The following PDE4D variants were observed in gnomAD, a reference collection of about 807,000 sequenced individuals.
PDE4D encodes 3',5'-cyclic-AMP phosphodiesterase 4D.
In PDE4D, 24 loss-of-function variants were observed where a neutral mutation model predicts 87.4. The observed-to-expected ratio is 0.27, with a 90% confidence interval of 0.20 to 0.39. The LOEUF (loss-of-function observed/expected upper bound fraction) is 0.39, where lower values mean the gene tolerates loss of function less well. Among genes scored for constraint, PDE4D ranks in the 10% least tolerant of loss-of-function variants. The pLI is 1.00. For missense variants in PDE4D, 714 were observed against 1,041.0 expected (o/e 0.69, Z 4.32); for synonymous variants, 384 against 383.2 (o/e 1.00, Z -0.02).
At chr5:60,119,730 A>G (rs914315942) in intron 2 of PDE4D, among the ~76,000 whole-genome samples, 1 of 152,222 alleles carries the variant, frequency 6.6e-6, no homozygotes, top group African/African-American at 2.4e-5. Context: ...TGGTACACAC[A>G]CTCATACTCA....
intron 2 of PDE4D, among the ~76,000 whole-genome samples, chr5:60,181,260 A>G (rs1784355595): frequency 6.6e-6 from 1 of 152,110 alleles, no homozygotes; most frequent in Non-Finnish European, 1.5e-5. Flanking sequence ...AAAAATATAT[A>G]TTTTCTTAAG....
intron 1 of PDE4D, among the ~76,000 whole-genome samples, chr5:59,688,559 T>C (rs112992190): frequency 0.085 from 12,977 of 152,032 alleles, 1,722 homozygotes; most frequent in African/African-American, 0.29. Flanking sequence ...CTCTGGGACA[T>C]ATTTAAAGCA....
intron 3 of PDE4D, chr5:59,988,288 T>G (rs1762646670): frequency 4.2e-6 from 2 of 481,356 alleles, no homozygotes; most frequent in Non-Finnish European, 3.7e-6. Context: ...AGCTCTTCCA[T>G]GTAAAACAAT....
At chr5:59,369,856 A>G (rs960617963) in intron 1 of PDE4D, among the ~76,000 whole-genome samples, 1 of 152,056 alleles carries the variant, frequency 6.6e-6, no homozygotes, top group African/African-American at 2.4e-5. Context: ...TTTTCCACAA[A>G]CAGGACTATC....
chr5:59,762,455 T>C (rs868612466), intron 1 of PDE4D, among the ~76,000 whole-genome samples: 11 of 124,236 alleles, frequency 8.9e-5, no homozygotes, highest in African/African-American at 2.6e-4. Flanking sequence ...TACACATATG[T>C]GTATATGTGT....
intron 1 of PDE4D, among the ~76,000 whole-genome samples, chr5:60,389,496 G>A (rs909147372): frequency 2.6e-5 from 4 of 151,968 alleles, no homozygotes; most frequent in Admixed American, 6.6e-5. Flanking sequence ...TGTTACAATC[G>A]TTCACATATA....
intron 1 of PDE4D, among the ~76,000 whole-genome samples, chr5:59,284,447 G>C (rs1036096967): frequency 2.6e-5 from 4 of 152,074 alleles, no homozygotes; most frequent in Non-Finnish European, 5.9e-5. Flanking sequence ...TTTTTTGGCT[G>C]CATAAATGTC....
intron 10 of PDE4D, 111 bp from the exon 11 acceptor site, chr5:58,988,703 A>G (rs1441466622): frequency 2.1e-6 from 1 of 476,632 alleles, no homozygotes; most frequent in African/African-American, 2.0e-5. Flanking sequence ...ATGAAGCTTC[A>G]AAATGTGTTA....
At chr5:59,853,796 C>T (rs147757006) in intron 1 of PDE4D, among the ~76,000 whole-genome samples, 121 of 152,038 alleles carry the variant, frequency 8.0e-4, no homozygotes, top group Middle Eastern at 3.4e-3. Context: ...TACACATTTG[C>T]AAAAATGACA....
At chr5:60,071,374 G>C (rs1432839138) in intron 2 of PDE4D, among the ~76,000 whole-genome samples, 1 of 151,916 alleles carries the variant, frequency 6.6e-6, no homozygotes, top group Non-Finnish European at 1.5e-5. Flanking sequence ...AAAGAATAAA[G>C]AATCAAAGAT....
chr5:60,320,511 C>T (rs537284660), intron 1 of PDE4D, among the ~76,000 whole-genome samples: 193 of 152,264 alleles, frequency 1.3e-3, no homozygotes, highest in African/African-American at 4.4e-3. Flanking sequence ...TCCGACACTC[C>T]CCAGTGAGAT....
At chr5:59,351,373 C>G (rs1391717208) in intron 1 of PDE4D, among the ~76,000 whole-genome samples, 1 of 152,080 alleles carries the variant, frequency 6.6e-6, no homozygotes, top group Non-Finnish European at 1.5e-5. Context: ...TAAATGTTGT[C>G]TATAATTTCT....
chr5:59,469,350 CA>C (rs1335317681), intron 1 of PDE4D, among the ~76,000 whole-genome samples: 2 of 151,738 alleles, frequency 1.3e-5, no homozygotes, highest in Admixed American at 1.3e-4. Flanking sequence ...AACAAACAAA[CA>C]AAAAACAAAA....
At chr5:60,163,566 T>C (rs1014694069) in intron 2 of PDE4D, among the ~76,000 whole-genome samples, 3 of 152,122 alleles carry the variant, frequency 2.0e-5, no homozygotes, top group Non-Finnish European at 4.4e-5. Flanking sequence ...AATTATACAA[T>C]ATATGTTCTC....
intron 5 of PDE4D, among the ~76,000 whole-genome samples, chr5:59,064,816 C>A (rs1386125105): frequency 6.6e-6 from 1 of 152,038 alleles, no homozygotes; most frequent in Non-Finnish European, 1.5e-5. Flanking sequence ...CCCCACCATT[C>A]CAACAAATAG....
intron 1 of PDE4D, among the ~76,000 whole-genome samples, chr5:60,302,973 G>A (rs1008570885): frequency 1.3e-5 from 2 of 152,046 alleles, no homozygotes; most frequent in African/African-American, 4.8e-5. Flanking sequence ...GGGACTACAG[G>A]TGCGTGCCAC....
intron 1 of PDE4D, among the ~76,000 whole-genome samples, chr5:59,437,624 C>A (rs1258339782): frequency 6.6e-6 from 1 of 151,940 alleles, no homozygotes; most frequent in Non-Finnish European, 1.5e-5. Flanking sequence ...ATTCATTTTT[C>A]TACCCCAACC....
rs1156467369 is a variant in PDE4D, at chr5:59,649,905, C to CTTTTTTTTTTTTTTTTTTTTTTTTT, written c.455+243238_455+243262dup. ...GTTAAAATGTTGATAGTTTGTGAAC[C>CTTTTTTTTTTTTTTTTTTTTTTTTT]TTTTTTTTTTTTTTTTTTTTTTTTT... On this transcript the variant is annotated intron_variant, in intron 1 of 14. Transcript: ENST00000340635. Among the ~76,000 whole-genome samples the CTTTTTTTTTTTTTTTTTTTTTTTTT allele has an allele frequency of 1.3e-3, 95 of 72,438 alleles. 16 individuals are homozygous for CTTTTTTTTTTTTTTTTTTTTTTTTT. The highest frequency in any genetic ancestry group is 1.7e-3 in the Non-Finnish European group (73 of 42,170). The allele number at this position is 72,438 out of a possible 152,430, so 47.5% of individuals were successfully genotyped here.
At chr5:60,440,766 G>A (rs1425095492) in intron 1 of PDE4D, among the ~76,000 whole-genome samples, 1 of 152,104 alleles carries the variant, frequency 6.6e-6, no homozygotes, top group East Asian at 1.9e-4. Context: ...TGTTTACTAT[G>A]TGCAGGATAA....
Sources: allele counts gnomAD v4.1 joint callset (sites outside exome capture counted in the v4.1 genomes callset), GRCh38; gene constraint gnomAD v4.1.1; transcripts MANE v1.5; gene names NCBI Gene and HGNC (gene_info 2026-07-23, HGNC 2026-07-21).